The following KCNB2 variants were observed in gnomAD, a reference collection of about 807,000 sequenced individuals.
KCNB2 encodes the protein delayed rectifier potassium channel protein.
In KCNB2, 15 loss-of-function variants were observed where a neutral mutation model predicts 61.5. The observed-to-expected ratio is 0.24, with a 90% CI of 0.16 to 0.38. KCNB2 has a LOEUF of 0.38. Among genes scored for constraint, KCNB2 ranks in the 10% least tolerant of loss-of-function variants. The probability of loss-of-function intolerance (pLI) is 1.00; values close to 1 mark genes in which losing one functional copy is unlikely to be tolerated. For synonymous variants in KCNB2, 457 were observed against 446.0 expected, an observed-to-expected ratio of 1.02 and a Z score of -0.31; for missense variants, 828 against 1,125.2, an observed-to-expected ratio of 0.74 and a Z score of 3.78.
intron 2 of KCNB2, among the ~76,000 whole-genome samples, chr8:72,696,918 G>A (rs1807027261): frequency 6.6e-6 from 1 of 152,108 alleles, no homozygotes; most frequent in Non-Finnish European, 1.5e-5. Context: ...TGTTTTTCAA[G>A]ATCACTTCTG....
chr8:72,768,125 TTATGTTG>T (rs1460474842), intron 2 of KCNB2, among the ~76,000 whole-genome samples: 1 of 152,240 alleles, frequency 6.6e-6, no homozygotes, highest in African/African-American at 2.4e-5. Context: ...CTTTATGAGA[TTATGTTG>T]TTCAAATATT....
At chr8:72,544,011 A>G (rs1010300132) in intron 1 of KCNB2, among the ~76,000 whole-genome samples, 3 of 152,220 alleles carry the variant, frequency 2.0e-5, no homozygotes, top group Non-Finnish European at 4.4e-5. Context: ...CATTAGGGAC[A>G]TCCTATTAGT....
At chr8:72,662,142 C>T (rs1806391998) in intron 2 of KCNB2, among the ~76,000 whole-genome samples, 2 of 152,116 alleles carry the variant, frequency 1.3e-5, no homozygotes, top group African/African-American at 4.8e-5. Flanking sequence ...TGCCACCACT[C>T]CCATAGCAAT....
At chr8:72,578,204 A>T (rs574800417) in intron 2 of KCNB2, among the ~76,000 whole-genome samples, 1 of 152,242 alleles carries the variant, frequency 6.6e-6, no homozygotes. Context: ...TTGGGAAACT[A>T]GCAGAGGCCC....
intron 2 of KCNB2, among the ~76,000 whole-genome samples, chr8:72,576,670 T>C (rs1806798688): frequency 6.6e-6 from 1 of 152,220 alleles, no homozygotes; most frequent in African/African-American, 2.4e-5. Context: ...ATGTGGGCAC[T>C]AGAGGCAAGT....
intron 2 of KCNB2, among the ~76,000 whole-genome samples, chr8:72,679,552 A>G (rs1806718628): frequency 6.6e-6 from 1 of 152,246 alleles, no homozygotes; most frequent in African/African-American, 2.4e-5. Flanking sequence ...AGCAAATTCA[A>G]AAGTGTTTTA....
chr8:72,631,624 A>G (rs978346008), intron 2 of KCNB2, among the ~76,000 whole-genome samples: 1 of 152,224 alleles, frequency 6.6e-6, no homozygotes, highest in Non-Finnish European at 1.5e-5. Flanking sequence ...TAAGACTTCA[A>G]CGTAACTTTG....
intron 2 of KCNB2, among the ~76,000 whole-genome samples, chr8:72,638,499 C>A (rs1806003630): frequency 6.6e-6 from 1 of 152,132 alleles, no homozygotes; most frequent in African/African-American, 2.4e-5. Flanking sequence ...GAAGGTAAAG[C>A]CCCTTTTGTA....
intron 2 of KCNB2, among the ~76,000 whole-genome samples, chr8:72,862,996 T>A (rs939896080): frequency 6.6e-6 from 1 of 152,184 alleles, no homozygotes; most frequent in East Asian, 1.9e-4. Flanking sequence ...GTGATACAAA[T>A]TCAGACTTTT....
chr8:72,825,008 A>G (rs983457447), intron 2 of KCNB2, among the ~76,000 whole-genome samples: 3 of 152,140 alleles, frequency 2.0e-5, no homozygotes, highest in African/African-American at 4.8e-5. Flanking sequence ...GAATTTTTTT[A>G]TCTTCCCAAA....
intron 2 of KCNB2, among the ~76,000 whole-genome samples, chr8:72,708,474 T>G (rs533235459): frequency 9.8e-5 from 15 of 152,330 alleles, no homozygotes; most frequent in African/African-American, 3.1e-4. Context: ...GGTCTGGAAG[T>G]TGCCATTGAT....
intron 2 of KCNB2, among the ~76,000 whole-genome samples, chr8:72,882,061 C>A (rs1424914903): frequency 6.6e-6 from 1 of 152,008 alleles, no homozygotes; most frequent in Non-Finnish European, 1.5e-5. Flanking sequence ...TCTTCTGATT[C>A]TGCAATCTTC....
Position 72,567,992 on chromosome 8 carries a change from G to A in KCNB2, c.258G>A (p.Glu86=). Residue 86 remains glutamate, a synonymous_variant, in exon 2 of 3, where the codon GAG becomes GAA. Coordinates refer to ENST00000523207, the MANE Select transcript of KCNB2 (RefSeq NM_004770.3). The stretch of plus-strand genomic sequence containing the variant: ...ACGACTATAATCTGAACGAGAACGA[G>A]TATTTCTTTGATCGGCATCCAGGAG... ...VCDDYNLNEN[E]YFFDRHPGAF... The A allele has an allele frequency of 6.2e-7, 1 of 1,614,120 alleles. No homozygotes were observed. Among genetic ancestry groups the A allele is most frequent in the Non-Finnish European group, 8.5e-7 (1 of 1,180,022 alleles).
intron 2 of KCNB2, among the ~76,000 whole-genome samples, chr8:72,718,882 AAAACC>A (rs1287354393): frequency 1.3e-5 from 2 of 152,324 alleles, no homozygotes; most frequent in East Asian, 3.9e-4. Context: ...TCTGAATAAG[AAAACC>A]GAGGTTTAGA....
chr8:72,538,094 T>G (rs543822971), intron 1 of KCNB2, among the ~76,000 whole-genome samples: 1 of 152,122 alleles, frequency 6.6e-6, no homozygotes, highest in South Asian at 2.1e-4. Context: ...TATTAGCCCC[T>G]GAAAAGCTTC....
At position 72,715,570 on chromosome 8, in the gene KCNB2, C is replaced by A. The variant is rs1408602344; in HGVS notation, c.579+147257C>A. Among the ~76,000 whole-genome samples, 36 of 151,282 alleles carry A rather than the reference C, an allele frequency of 2.4e-4. 1 individual carries two copies. The highest frequency in any genetic ancestry group is 5.8e-4 in the African/African-American group (24 of 41,114). On this transcript the variant is annotated intron_variant, in intron 2 of 2. Coordinates refer to ENST00000523207, the MANE Select transcript of KCNB2 (RefSeq NM_004770.3). ...CTGCTCCTGAATGACTACTGGGTACCTAACGAAATGAAGGCAGAAATAAAG... is the reference window on the plus strand; with the variant it reads ...CTGCTCCTGAATGACTACTGGGTACATAACGAAATGAAGGCAGAAATAAAG...
intron 2 of KCNB2, among the ~76,000 whole-genome samples, chr8:72,816,369 T>C (rs946349229): frequency 6.6e-6 from 1 of 152,210 alleles, no homozygotes; most frequent in Non-Finnish European, 1.5e-5. Flanking sequence ...GAAGCAAGGC[T>C]GAGGGACCAT....
chr8:72,749,640 T>C lies in KCNB2; in HGVS notation c.579+181327T>C, dbSNP rs542075297. On this transcript the variant is annotated intron_variant, in intron 2 of 2. Transcript: ENST00000523207. ...TATTCAGACAAGAGAGGTAACATTT[T>C]ACACCCAAAAAACCATGATATTGCT... 2.7e-5 allele frequency among the ~76,000 whole-genome samples: 4 copies of C among 150,754 alleles called. 1 individual carries two copies. The South Asian group carries it at 8.4e-4, about 31-fold the overall frequency.
intron 2 of KCNB2, among the ~76,000 whole-genome samples, chr8:72,670,994 A>T (rs191480175): frequency 1.3e-5 from 2 of 152,218 alleles, no homozygotes; most frequent in Admixed American, 1.3e-4. Flanking sequence ...CCTCTCCCAT[A>T]GTGCTCATAT....
Sources: gnomAD v4.1 joint callset for allele counts (sites outside exome capture counted in the v4.1 genomes callset) on GRCh38, gnomAD v4.1.1 for gene constraint, MANE v1.5 for transcripts, NCBI Gene and HGNC (gene_info 2026-07-23, HGNC 2026-07-21) for gene names.